SEZ6L: variants seen among roughly 807,000 people sequenced by gnomAD.
SEZ6L encodes seizure related 6 homolog like.
A neutral mutation model predicts 106.2 loss-of-function variants in SEZ6L; 37 were observed. The ratio of observed to expected loss-of-function variants is 0.35; its 90% CI spans 0.27 to 0.46. SEZ6L has a LOEUF of 0.46. Ranked by LOEUF, SEZ6L falls within the 20% of genes least tolerant of loss-of-function variation. The pLI, the probability that SEZ6L is intolerant of heterozygous loss-of-function variation, is 1.00. For missense variants in SEZ6L, 1,172 were observed against 1,332.8 expected (o/e 0.88, Z 1.88); for synonymous variants, 541 against 570.4 (o/e 0.95, Z 0.73).
At chr22:26,378,711 G>C (rs1364067774) in intron 16 of SEZ6L, among the ~76,000 whole-genome samples, 2 of 152,156 alleles carry the variant, frequency 1.3e-5, no homozygotes, top group Non-Finnish European at 2.9e-5. Flanking sequence ...CATGTGCAAA[G>C]GTCCAGGGCA....
intron 6 of SEZ6L, among the ~76,000 whole-genome samples, chr22:26,309,409 A>T (rs1415305845): frequency 6.6e-6 from 1 of 152,206 alleles, no homozygotes; most frequent in Non-Finnish European, 1.5e-5. Flanking sequence ...ACAGTTGAGG[A>T]CACTGAGGCT....
At chr22:26,282,510 G>A (rs1488748404) in intron 1 of SEZ6L, among the ~76,000 whole-genome samples, 1 of 152,164 alleles carries the variant, frequency 6.6e-6, no homozygotes, top group African/African-American at 2.4e-5. Flanking sequence ...AGTCTGACCT[G>A]TTACATAAAC....
intron 9 of SEZ6L, among the ~76,000 whole-genome samples, chr22:26,332,508 G>T (rs181109019): frequency 6.6e-6 from 1 of 151,512 alleles, no homozygotes; most frequent in Non-Finnish European, 1.5e-5. Context: ...GTACAGTGGT[G>T]CAATCAAAGC....
At chr22:26,331,253 A>T (rs2145968171) in intron 9 of SEZ6L, among the ~76,000 whole-genome samples, 1 of 152,306 alleles carries the variant, frequency 6.6e-6, no homozygotes, top group South Asian at 2.1e-4. Flanking sequence ...GTCAGATTCT[A>T]ATTTGCATTC....
intron 1 of SEZ6L, among the ~76,000 whole-genome samples, chr22:26,236,192 G>A (rs1235108801): frequency 2.0e-5 from 3 of 152,212 alleles, no homozygotes; most frequent in Non-Finnish European, 4.4e-5. Context: ...ACCTGCCACT[G>A]AGCCCAAATT....
intron 15 of SEZ6L, among the ~76,000 whole-genome samples, chr22:26,377,354 C>T (rs944783485): frequency 3.9e-5 from 6 of 152,234 alleles, no homozygotes; most frequent in African/African-American, 9.6e-5. Context: ...AATGCTCATC[C>T]TTGTTCTTGT....
intron 1 of SEZ6L, among the ~76,000 whole-genome samples, chr22:26,185,564 G>A (rs1444337718): frequency 6.6e-6 from 1 of 152,140 alleles, no homozygotes; most frequent in Non-Finnish European, 1.5e-5. Flanking sequence ...CCATGATTGA[G>A]CTATACATGC....
Position 26,351,214 on chromosome 22 carries a change from T to C in SEZ6L, c.2570T>C (p.Ile857Thr). The change falls in exon 12 of 17, where the codon ATC becomes ACC. Residue 857 changes from isoleucine (I) to threonine (T), a missense_variant. By Grantham distance (89) the Ile-to-Thr change is moderately conservative. This residue lies in a region of SEZ6L where 534 missense variants were observed against 691.0 expected (regional missense o/e 0.77). Coordinates refer to ENST00000248933, the MANE Select transcript of SEZ6L (RefSeq NM_021115.5). ...TACAGCCGTGAAACAGGGACTCCCA[T>C]CTGGACGTCTCGCCTGCCCCACTGC... ...TCYSRETGTP[I>T]WTSRLPHCVS... is the part of the protein sequence containing the mutation. 1 of 1,614,124 alleles carries C rather than the reference T, an allele frequency of 6.2e-7. No homozygotes were observed. The highest frequency in any genetic ancestry group is 8.5e-7 in the Non-Finnish European group (1 of 1,179,984).
chr22:26,317,529 C>T (rs2082039497), intron 9 of SEZ6L, among the ~76,000 whole-genome samples: 1 of 151,824 alleles, frequency 6.6e-6, no homozygotes, highest in Non-Finnish European at 1.5e-5. Context: ...GAGGAGGAAA[C>T]AAGAAAATGG....
chr22:26,293,135 A>C lies in SEZ6L; in HGVS notation c.824A>C (p.Glu275Ala). The C allele has an allele frequency of 2.6e-6, 4 of 1,545,488 alleles. No homozygotes were observed. Among genetic ancestry groups the C allele is most frequent in the Non-Finnish European group, 3.5e-6 (4 of 1,154,326 alleles). ...ATCACCACCACGGTCATCACCACCGAGCAGGCACCAGGTATGCAGCCCCCA... is the reference window on the plus strand; with the variant it reads ...ATCACCACCACGGTCATCACCACCGCGCAGGCACCAGGTATGCAGCCCCCA... ...TIITTTVITT[E>A]QAPALCSVSF... Residue 275 changes from glutamate (E) to alanine (A), a missense_variant, in exon 2 of 17, where the codon GAG (glutamate) becomes GCG (alanine). Around this residue, in one of 4 missense-constraint regions of SEZ6L, gnomAD observed 494 missense variants for 445.8 expected, o/e 1.11. Transcript: ENST00000248933.
intron 1 of SEZ6L, among the ~76,000 whole-genome samples, chr22:26,183,160 A>G (rs920188775): frequency 2.0e-5 from 3 of 152,208 alleles, no homozygotes; most frequent in African/African-American, 7.2e-5. Flanking sequence ...GATTATACAT[A>G]AAGAAGCTGA....
intron 1 of SEZ6L, among the ~76,000 whole-genome samples, chr22:26,256,561 G>T (rs534178054): frequency 6.6e-6 from 1 of 152,336 alleles, no homozygotes; most frequent in South Asian, 2.1e-4. Context: ...CCCCAAAGAG[G>T]CTGATGCAGT....
intron 1 of SEZ6L, among the ~76,000 whole-genome samples, chr22:26,257,042 G>A (rs932039879): frequency 6.6e-5 from 10 of 152,148 alleles, no homozygotes; most frequent in South Asian, 2.1e-4. Context: ...AGGGACATAC[G>A]GAAATGTCTG....
intron 1 of SEZ6L, among the ~76,000 whole-genome samples, chr22:26,205,298 G>A (rs756609277): frequency 1.3e-5 from 2 of 152,134 alleles, no homozygotes; most frequent in Admixed American, 6.5e-5. Context: ...CTTCAGTGAC[G>A]TACATGCATC....
At chr22:26,312,855 C>T (rs1312173421) in intron 8 of SEZ6L, among the ~76,000 whole-genome samples, 1 of 152,220 alleles carries the variant, frequency 6.6e-6, no homozygotes, top group African/African-American at 2.4e-5. Flanking sequence ...CAGGCATGAG[C>T]CATCGCACCT....
At chr22:26,276,758 G>A (rs919265765) in intron 1 of SEZ6L, among the ~76,000 whole-genome samples, 27 of 152,300 alleles carry the variant, frequency 1.8e-4, no homozygotes, top group East Asian at 1.2e-3. Flanking sequence ...CATGAGATGC[G>A]AAAGCAGTGG....
At chr22:26,236,287 G>A (rs1481166988) in intron 1 of SEZ6L, among the ~76,000 whole-genome samples, 1 of 152,184 alleles carries the variant, frequency 6.6e-6, no homozygotes, top group Non-Finnish European at 1.5e-5. Flanking sequence ...AGTTCTCCTG[G>A]AGCTGAACAG....
Position 26,351,194 on chromosome 22 carries a change from C to A in SEZ6L, c.2550C>A (p.Ser850Arg), listed in dbSNP as rs1452743056. The A allele has an allele frequency of 6.2e-7, 1 of 1,614,074 alleles. No homozygotes were observed. Among genetic ancestry groups the A allele is most frequent in the Non-Finnish European group, 8.5e-7 (1 of 1,180,044 alleles). The change falls in exon 12 of 17, where the codon AGC becomes AGA. Residue 850 changes from serine to arginine, a missense_variant. By Grantham distance (110) the Ser-to-Arg change is moderately radical. Around this residue, in one of 4 missense-constraint regions of SEZ6L, gnomAD observed 534 missense variants for 691.0 expected, o/e 0.77. Transcript: ENST00000248933. The part of the protein sequence containing the change: ...LEGSSLLTCY[S>R]RETGTPIWTS... ...GGAGTTCTCTTCTGACCTGCTACAG[C>A]CGTGAAACAGGGACTCCCATCTGGA...
At chr22:26,249,638 T>A (rs1423335019) in intron 1 of SEZ6L, among the ~76,000 whole-genome samples, 1 of 152,198 alleles carries the variant, frequency 6.6e-6, no homozygotes, top group Non-Finnish European at 1.5e-5. Flanking sequence ...GCAATAAACA[T>A]GGGAGTGCAG....
Sources: gnomAD v4.1 joint callset for allele counts (sites outside exome capture counted in the v4.1 genomes callset) on GRCh38, gnomAD v4.1.1 for gene constraint, gnomAD v4.1.1 regional missense constraint, MANE v1.5 for transcripts, NCBI Gene and HGNC (gene_info 2026-07-23, HGNC 2026-07-21) for gene names.